The following GNAS-AS1 variants were observed in gnomAD, a reference collection of about 807,000 sequenced individuals.
The protein encoded by GNAS-AS1 is GNAS antisense RNA 1 (non-protein coding).
chr20:58,819,149 T>C (rs2085468678), exon 5 of GNAS-AS1: 1 of 398,506 alleles, frequency 2.5e-6, no homozygotes. Flanking sequence ...CTAGAAGAGG[T>C]TGAAGTACTA....
intron 4 of GNAS-AS1, among the ~76,000 whole-genome samples, chr20:58,833,478 T>C (rs957999339): frequency 2.6e-5 from 4 of 152,192 alleles, no homozygotes; most frequent in Non-Finnish European, 5.9e-5. Flanking sequence ...GCACAATGTA[T>C]GTCACTCATG....
chr20:58,828,080 A>G (rs2085532310), intron 4 of GNAS-AS1, among the ~76,000 whole-genome samples: 1 of 152,206 alleles, frequency 6.6e-6, no homozygotes, highest in South Asian at 2.1e-4. Context: ...TTAGGGGCCA[A>G]TTTTAAGTAA....
In GNAS-AS1 at chr20:58,840,048, C is replaced by T. The variant is rs1243526623; in HGVS notation, n.819+1889G>A. On this transcript the variant is annotated intron_variant and non_coding_transcript_variant, in intron 4 of 4. Transcript: ENST00000424094. This position sits in a 1 kb window ranked among gnomAD's most constrained non-coding sequence, Gnocchi z 6.0. Reference sequence around the variant, plus strand: ...CCCGGCTCCAGCAGCCAATGTGCTTCGGAGCCACTCTCTGCAGAGCCAGAG... The same window carrying T: ...CCCGGCTCCAGCAGCCAATGTGCTTTGGAGCCACTCTCTGCAGAGCCAGAG... 2 of 1,583,848 alleles carry T rather than the reference C, an allele frequency of 1.3e-6. No homozygotes were observed. Among genetic ancestry groups the T allele is most frequent in the South Asian group, 1.1e-5 (1 of 90,588 alleles).
chr20:58,842,590 C>G (rs2085780529), intron 2 of GNAS-AS1: 1 of 398,216 alleles, frequency 2.5e-6, no homozygotes, highest in Non-Finnish European at 4.4e-6. Context: ...TGGTTTTCTG[C>G]GACAGCAATG....
chr20:58,845,896 A>G (rs970126719), intron 2 of GNAS-AS1, among the ~76,000 whole-genome samples: 57 of 152,312 alleles, frequency 3.7e-4, no homozygotes, highest in African/African-American at 1.3e-3. Context: ...CCGGGTAGAA[A>G]TGGGGAGGCT....
At chr20:58,826,089 C>T in intron 4 of GNAS-AS1, 2 of 398,620 alleles carry the variant, frequency 5.0e-6, no homozygotes, top group Admixed American at 4.4e-5. Context: ...AGATAGTTCA[C>T]CCAACTGCAT....
intron 4 of GNAS-AS1, among the ~76,000 whole-genome samples, chr20:58,837,435 T>A (rs1046824580): frequency 2.0e-5 from 3 of 152,230 alleles, no homozygotes; most frequent in African/African-American, 7.2e-5. Flanking sequence ...ACCCTTGCTG[T>A]TCCACAGGAA....
intron 4 of GNAS-AS1, among the ~76,000 whole-genome samples, chr20:58,832,772 T>G (rs2085575700): frequency 6.6e-6 from 1 of 152,254 alleles, no homozygotes; most frequent in African/African-American, 2.4e-5. Flanking sequence ...TCTAACTAAC[T>G]GAGCAAGGTC....
chr20:58,841,985 G>C lies in GNAS-AS1; in HGVS notation n.771C>G, dbSNP rs1437256162. The C allele has an allele frequency of 2.0e-6, 2 of 994,220 alleles. No individual in the cohort carries two copies. The highest frequency in any genetic ancestry group is 2.6e-6 in the Non-Finnish European group (2 of 770,894). 61.6% of individuals were successfully genotyped at this position (994,220 alleles called of 1,614,324 possible). Reference sequence around the variant, plus strand: ...ACGCGCAGAGCTGGGGAAAGGTGTTGGATCCGGCGCCAGTCCTTGGACGAT... The same window carrying C: ...ACGCGCAGAGCTGGGGAAAGGTGTTCGATCCGGCGCCAGTCCTTGGACGAT... On this transcript the variant is annotated non_coding_transcript_exon_variant, in exon 4 of 5. Transcript: ENST00000424094. The surrounding 1 kb of genome is among the most constrained non-coding windows in gnomAD (Gnocchi z 5.0).
intron 2 of GNAS-AS1, among the ~76,000 whole-genome samples, chr20:58,848,346 C>A (rs1245020697): frequency 2.0e-5 from 3 of 152,180 alleles, no homozygotes; most frequent in Non-Finnish European, 4.4e-5. Flanking sequence ...TGGCACACAG[C>A]GTCTATCCAT....
intron 2 of GNAS-AS1, chr20:58,843,486 G>A (rs1162817825): frequency 6.6e-6 from 1 of 152,254 alleles, no homozygotes; most frequent in African/African-American, 2.4e-5. Context: ...CTGGCCCTTT[G>A]CCCCACCCTG....
intron 4 of GNAS-AS1, among the ~76,000 whole-genome samples, chr20:58,828,726 T>C (rs1231167045): frequency 1.3e-5 from 2 of 152,228 alleles, no homozygotes; most frequent in Non-Finnish European, 2.9e-5. Flanking sequence ...CTAGAACATC[T>C]TTCTACCTGT....
chr20:58,841,704 G>A lies in GNAS-AS1; in HGVS notation n.819+233C>T, dbSNP rs2145479347. The A allele has an allele frequency of 8.2e-7, 1 of 1,212,302 alleles. No homozygotes were observed. The highest frequency in any genetic ancestry group is 3.3e-5 in the East Asian group (1 of 30,356). 75.1% of individuals were successfully genotyped at this position (1,212,302 alleles called of 1,614,324 possible). On this transcript the variant is annotated intron_variant and non_coding_transcript_variant, in intron 4 of 4. Coordinates refer to ENST00000424094, the Ensembl canonical transcript of GNAS-AS1. This position sits in a 1 kb window ranked among gnomAD's most constrained non-coding sequence, Gnocchi z 5.0. ...TAGAGGAGGTAAGGGGACCCTTGGG[G>A]ATGCCCCTACGGGCTACCAGGGTTG... is the stretch of plus-strand genomic sequence containing the variant.
At chr20:58,830,455 TCACCACC>T (rs2085554425) in intron 4 of GNAS-AS1, among the ~76,000 whole-genome samples, 2 of 15,286 alleles carry the variant, frequency 1.3e-4, no homozygotes, top group South Asian at 2.3e-3. Flanking sequence ...ACCACCACCA[TCACCACC>T]ACCACACCAC....
In GNAS-AS1 at chr20:58,841,954, C is replaced by T. The variant is rs557127211; in HGVS notation, n.802G>A. The stretch of plus-strand genomic sequence containing the variant: ...TAACTTACAATTCGTTTCCAAAGAG[C>T]GCGGTACGCGCAGAGCTGGGGAAAG... On this transcript the variant is annotated non_coding_transcript_exon_variant, in exon 4 of 5. Transcript: ENST00000424094. The surrounding 1 kb of genome is among the most constrained non-coding windows in gnomAD (Gnocchi z 5.0). 32 of 1,138,136 alleles carry T rather than the reference C, an allele frequency of 2.8e-5. No homozygotes were observed. The African/African-American group carries it at 3.5e-4, about 12-fold the overall frequency. 70.5% of individuals were successfully genotyped at this position (1,138,136 alleles called of 1,614,324 possible).
At chr20:58,837,709 C>G (rs183989095) in intron 4 of GNAS-AS1, among the ~76,000 whole-genome samples, 1 of 152,352 alleles carries the variant, frequency 6.6e-6, no homozygotes, top group Non-Finnish European at 1.5e-5. Context: ...TCCCAAAGTG[C>G]TGGGATCATA....
At chr20:58,820,727 G>T (rs914055676) in intron 4 of GNAS-AS1, among the ~76,000 whole-genome samples, 1 of 152,276 alleles carries the variant, frequency 6.6e-6, no homozygotes, top group African/African-American at 2.4e-5. Flanking sequence ...TACATGGATG[G>T]CAGCAGGCAA....
At chr20:58,849,679 C>T (rs1004600796) in intron 1 of GNAS-AS1, among the ~76,000 whole-genome samples, 5 of 152,184 alleles carry the variant, frequency 3.3e-5, no homozygotes, top group African/African-American at 1.2e-4. Context: ...CACACTTTGG[C>T]TCCTCCATCT....
chr20:58,849,044 C>CAGA (rs1476296318), intron 1 of GNAS-AS1: 2 of 393,624 alleles, frequency 5.1e-6, no homozygotes, highest in Admixed American at 4.4e-5. Context: ...GGTCCTTTCT[C>CAGA]AGCTTATAGT....
Sources: allele counts gnomAD v4.1 joint callset (sites outside exome capture counted in the v4.1 genomes callset), GRCh38; gene constraint gnomAD v4.1.1; non-coding constraint Gnocchi (gnomAD v3.1); transcripts MANE v1.5; gene names NCBI Gene and HGNC (gene_info 2026-07-23, HGNC 2026-07-21).